Variants in VRK1 observed in about 807,000 individuals in gnomAD.
The protein encoded by VRK1 is serine/threonine-protein kinase VRK1.
VRK1 carries 33 observed loss-of-function variants against 57.1 expected under a neutral mutation model. That is an observed-to-expected ratio of 0.58 (90% CI 0.44 to 0.77). The LOEUF is 0.77. Among genes scored for constraint, VRK1 ranks in the 30% least tolerant of loss-of-function variants. VRK1 has a pLI of 0.00. For synonymous variants in VRK1, 137 were observed against 147.8 expected (o/e 0.93, Z 0.53); for missense variants, 413 against 477.3 (o/e 0.87, Z 1.25).
At chr14:96,824,624 A>G (rs1169345757) in intron 1 of VRK1, among the ~76,000 whole-genome samples, 1 of 152,084 alleles carries the variant, frequency 6.6e-6, no homozygotes, top group African/African-American at 2.4e-5. Context: ...GGGAAAAGAA[A>G]GGATGATAGC....
At chr14:96,830,596 T>A (rs1886965778) in intron 1 of VRK1, among the ~76,000 whole-genome samples, 1 of 152,208 alleles carries the variant, frequency 6.6e-6, no homozygotes, top group Non-Finnish European at 1.5e-5. Flanking sequence ...AATTTATAGC[T>A]ATCAACCTTT....
At chr14:96,837,680 G>C (rs980200624) in intron 2 of VRK1, 82 bp from the exon 3 acceptor site, 82 of 811,708 alleles carry the variant, frequency 1.0e-4, no homozygotes, top group Admixed American at 3.8e-4. Flanking sequence ...TTCTATCAAG[G>C]GTTACAGATA....
At chr14:96,835,086 AT>A (rs1293481918) in intron 2 of VRK1, among the ~76,000 whole-genome samples, 1 of 152,150 alleles carries the variant, frequency 6.6e-6, no homozygotes, top group Non-Finnish European at 1.5e-5. Flanking sequence ...ATAGGCAATG[AT>A]TTGACCTCTG....
At chr14:96,869,901 T>C (rs1888747419) in intron 11 of VRK1, among the ~76,000 whole-genome samples, 1 of 152,194 alleles carries the variant, frequency 6.6e-6, no homozygotes. Context: ...AATACGCTTG[T>C]TCATGTGTTG....
chr14:96,801,802 G>A (rs1885673115), intron 1 of VRK1, among the ~76,000 whole-genome samples: 1 of 152,182 alleles, frequency 6.6e-6, no homozygotes. Context: ...TATTGTTCAT[G>A]AAGCGGAAGT....
At chr14:96,865,761 G>T (rs12893425) in intron 11 of VRK1, among the ~76,000 whole-genome samples, 13,974 of 147,738 alleles carry the variant, frequency 0.095, 869 homozygotes, top group African/African-American at 0.17. Context: ...TAATTCTTCT[G>T]TTTTTTTTTT....
intron 1 of VRK1, among the ~76,000 whole-genome samples, chr14:96,797,800 C>G (rs762927866): frequency 1.3e-5 from 2 of 152,234 alleles, no homozygotes; most frequent in Non-Finnish European, 1.5e-5. Flanking sequence ...CCGGTTCTGT[C>G]AGGCGGGGCT....
intron 1 of VRK1, among the ~76,000 whole-genome samples, chr14:96,799,193 C>T (rs947565545): frequency 2.0e-5 from 3 of 152,040 alleles, no homozygotes; most frequent in African/African-American, 7.2e-5. Context: ...TAGTAAGTGC[C>T]CAGGAAATGG....
chr14:96,867,333 G>A (rs1466231047), intron 11 of VRK1, among the ~76,000 whole-genome samples: 1 of 151,972 alleles, frequency 6.6e-6, no homozygotes, highest in African/African-American at 2.4e-5. Context: ...ACATTGCTTT[G>A]TTGCCTTCTA....
intron 11 of VRK1, among the ~76,000 whole-genome samples, chr14:96,868,419 A>T (rs1447668226): frequency 6.6e-6 from 1 of 152,224 alleles, no homozygotes. Context: ...AGACATAGTT[A>T]AGAACCACTG....
rs1362918173 is a variant in VRK1 at position 96,855,368 on chromosome 14, G to A, written c.709+12G>A. The A allele has an allele frequency of 1.9e-6, 3 of 1,613,852 alleles. No individual in the cohort carries two copies. Among genetic ancestry groups the A allele is most frequent in the Non-Finnish European group, 2.5e-6 (3 of 1,179,866 alleles). On this transcript the variant is annotated intron_variant, in intron 8 of 12. Transcript: ENST00000216639. The stretch of plus-strand genomic sequence containing the variant: ...ACACAATGGCGTGGGTATGTCAGTA[G>A]TACTGGAGTGAGAAATAGACTGCTA...
chr14:96,855,519 C>G (rs904905588), intron 8 of VRK1, among the ~76,000 whole-genome samples, 163 bp downstream of exon 8: 3 of 152,186 alleles, frequency 2.0e-5, no homozygotes, highest in African/African-American at 7.2e-5. Context: ...CAATTGTATT[C>G]CAGGACCATC....
At position 96,860,739 on chromosome 14, in the gene VRK1, A is replaced by C; in HGVS notation, c.1068+4A>C. 6.2e-7 allele frequency: 1 copy of C among 1,611,920 alleles called. No homozygotes were observed. Among genetic ancestry groups the C allele is most frequent in the Non-Finnish European group, 8.5e-7 (1 of 1,178,944 alleles). The stretch of plus-strand genomic sequence containing the variant: ...GAAAGCAAAAACAATAACAAAGGTG[A>C]ATTTTGTTATTAAATTATTCTTTGG... On this transcript the variant is annotated splice_donor_region_variant and intron_variant, in intron 11 of 12. Transcript: ENST00000216639.
chr14:96,856,474 T>C (rs532497371), intron 9 of VRK1, 54 bp from the exon 10 acceptor site: 1 of 1,487,618 alleles, frequency 6.7e-7, no homozygotes, highest in Admixed American at 1.7e-5. Flanking sequence ...TATTTTTATT[T>C]CATATTAACA....
intron 2 of VRK1, among the ~76,000 whole-genome samples, chr14:96,835,599 G>A (rs534019525): frequency 6.6e-6 from 1 of 152,280 alleles, no homozygotes; most frequent in South Asian, 2.1e-4. Flanking sequence ...TGTTCCACAG[G>A]CATTTCTAAA....
At chr14:96,808,021 G>GTCTCCCTC (rs1566683639) in intron 1 of VRK1, among the ~76,000 whole-genome samples, 2 of 34,646 alleles carry the variant, frequency 5.8e-5, no homozygotes, top group African/African-American at 1.5e-4. Context: ...CTCCCTCTGT[G>GTCTCCCTC]TGTGTGTGTG....
At chr14:96,870,008 T>C (rs575254334) in intron 11 of VRK1, among the ~76,000 whole-genome samples, 1 of 152,304 alleles carries the variant, frequency 6.6e-6, no homozygotes, top group South Asian at 2.1e-4. Flanking sequence ...TAGTATTATA[T>C]TAAATAGTTT....
intron 11 of VRK1, among the ~76,000 whole-genome samples, chr14:96,865,402 T>A (rs147800486): frequency 6.6e-6 from 1 of 152,340 alleles, no homozygotes; most frequent in African/African-American, 2.4e-5. Context: ...TGTCCATCTC[T>A]GTGCCAGTGC....
chr14:96,856,450 C>T, intron 9 of VRK1, 78 bp from the exon 10 acceptor site: 4 of 1,382,556 alleles, frequency 2.9e-6, no homozygotes, highest in Non-Finnish European at 4.1e-6. Flanking sequence ...CACAATATAG[C>T]TTAATGTGCT....
Sources: gnomAD v4.1 joint callset for allele counts (sites outside exome capture counted in the v4.1 genomes callset) on GRCh38, gnomAD v4.1.1 for gene constraint, MANE v1.5 for transcripts, NCBI Gene and HGNC (gene_info 2026-07-23, HGNC 2026-07-21) for gene names.